The following FAM227B variants were observed in gnomAD, a reference collection of about 807,000 sequenced individuals.
The protein encoded by FAM227B is family with sequence similarity 227 member B, also known as protein FAM227B.
Under a neutral mutation model 73.8 loss-of-function variants are expected in FAM227B, and 88 were observed. The observed-to-expected ratio is 1.19, with a 90% CI of 1.00 to 1.42. The LOEUF (loss-of-function observed/expected upper bound fraction) is 1.42, where lower values mean the gene tolerates loss of function less well. Ranked by LOEUF, FAM227B falls within the 40% of genes most tolerant of loss-of-function variation. FAM227B has a pLI of 0.00. For missense variants in FAM227B, 632 were observed against 590.9 expected (o/e 1.07, Z -0.72); for synonymous variants, 210 against 190.5 (o/e 1.10, Z -0.84).
chr15:49,583,994 C>T (rs1354834955), intron 5 of FAM227B, among the ~76,000 whole-genome samples: 1 of 152,160 alleles, frequency 6.6e-6, no homozygotes, highest in Non-Finnish European at 1.5e-5. Flanking sequence ...AAGAAGGACT[C>T]CTCCCTAACT....
chr15:49,371,465 T>A (rs1414809992), intron 11 of FAM227B, 66 bp from the exon 12 acceptor site: 1 of 952,800 alleles, frequency 1.0e-6, no homozygotes, highest in Non-Finnish European at 1.6e-6. Context: ...AAAAGCATGA[T>A]ACCTCTTTCG....
At chr15:49,540,248 A>T in intron 10 of FAM227B, among the ~76,000 whole-genome samples, 1 of 152,154 alleles carries the variant, frequency 6.6e-6, no homozygotes, top group East Asian at 1.9e-4. Context: ...TCCTTAGTAG[A>T]AAAGGTTGCT....
intron 11 of FAM227B, among the ~76,000 whole-genome samples, chr15:49,431,026 A>AT (rs977284483): frequency 2.2e-4 from 33 of 151,928 alleles, no homozygotes; most frequent in African/African-American, 7.7e-4. Context: ...GTATCACACA[A>AT]TTTTTGGTAG....
chr15:49,520,206 A>G (rs1405133911), intron 10 of FAM227B, among the ~76,000 whole-genome samples: 3 of 152,316 alleles, frequency 2.0e-5, no homozygotes, highest in Non-Finnish European at 2.9e-5. Flanking sequence ...CCTGGACTTT[A>G]TTGTCCATAT....
At chr15:49,420,684 T>C (rs2151729796) in intron 11 of FAM227B, among the ~76,000 whole-genome samples, 1 of 152,304 alleles carries the variant, frequency 6.6e-6, no homozygotes, top group South Asian at 2.1e-4. Flanking sequence ...GATTATATTA[T>C]ACATGATTAT....
chr15:49,541,648 C>T (rs2071084343), intron 10 of FAM227B, 32 bp downstream of exon 10: 1 of 1,365,028 alleles, frequency 7.3e-7, no homozygotes, highest in Non-Finnish European at 9.5e-7. Context: ...GAAACCAAAA[C>T]AATGATTAAT....
rs181625769 is a variant in FAM227B, at chr15:49,401,925, G to A, written c.1013-30526C>T. Among the ~76,000 whole-genome samples the A allele has an allele frequency of 8.0e-3, 1,180 of 147,196 alleles. 19 individuals are homozygous for A. The highest frequency in any genetic ancestry group is 0.027 in the African/African-American group (1,085 of 39,736). On this transcript the variant is annotated intron_variant, in intron 11 of 15. Transcript: ENST00000299338. ...TAGATGACGAGTTAGTGGGTGCAGC[G>A]CACCAGCATGGCACATGTATACATA... is the stretch of plus-strand genomic sequence containing the variant.
intron 11 of FAM227B, among the ~76,000 whole-genome samples, chr15:49,457,065 C>T (rs146704063): frequency 5.3e-5 from 8 of 152,166 alleles, no homozygotes; most frequent in Non-Finnish European, 1.2e-4. Context: ...TTTACTACTA[C>T]ACCACCATGC....
chr15:49,605,760 G>A (rs1247548317), intron 3 of FAM227B, among the ~76,000 whole-genome samples: 1 of 152,028 alleles, frequency 6.6e-6, no homozygotes, highest in East Asian at 1.9e-4. Context: ...CCTGGTGCTG[G>A]AGTGGGCCTG....
At chr15:49,619,214 A>G (rs1290236873) in intron 1 of FAM227B, among the ~76,000 whole-genome samples, 2 of 152,196 alleles carry the variant, frequency 1.3e-5, no homozygotes, top group Non-Finnish European at 2.9e-5. Context: ...GTTTTCTGTT[A>G]CAGAAGTAAA....
rs373173503 is a variant in FAM227B, at chr15:49,485,696, A to T, written c.1012+22515T>A. ...CACAGAACAATACAAATATGTAAAA[A>T]ATCTTTCACCACATATTCTTGCCAA... On this transcript the variant is annotated intron_variant, in intron 11 of 15. Coordinates refer to ENST00000299338, the MANE Select transcript of FAM227B (RefSeq NM_152647.3). 8 of 152,644 alleles carry T rather than the reference A, an allele frequency of 5.2e-5. No homozygotes were observed. In the East Asian group the frequency reaches 1.2e-3, roughly 22 times the overall value. The allele number at this position is 152,644 out of a possible 1,614,324, so 9.5% of individuals were successfully genotyped here. A position where few individuals can be genotyped will look rare whatever the true frequency, so the allele number is the denominator to read the frequency against.
chr15:49,530,953 G>T (rs1468047117), intron 10 of FAM227B, among the ~76,000 whole-genome samples: 1 of 151,598 alleles, frequency 6.6e-6, no homozygotes, highest in African/African-American at 2.4e-5. Flanking sequence ...TTCCAACAGA[G>T]AATATTCTTT....
chr15:49,547,606 C>CA (rs2072126248), intron 9 of FAM227B, among the ~76,000 whole-genome samples: 1 of 151,818 alleles, frequency 6.6e-6, no homozygotes, highest in Admixed American at 6.5e-5. Context: ...AAATGGAAAA[C>CA]AAAAAAAGGC....
chr15:49,540,123 C>A (rs917552714), intron 10 of FAM227B, among the ~76,000 whole-genome samples: 2 of 152,156 alleles, frequency 1.3e-5, no homozygotes, highest in Admixed American at 1.3e-4. Context: ...GGTTAACCAT[C>A]TCAGTGGAAG....
At chr15:49,591,484 CTTTTTTTT>C (rs71120696) in intron 3 of FAM227B, among the ~76,000 whole-genome samples, 39 of 55,412 alleles carry the variant, frequency 7.0e-4, no homozygotes, top group African/African-American at 2.5e-3. Flanking sequence ...CCCTTCCTTC[CTTTTTTTT>C]TTTTTTTTTT....
chr15:49,362,649 GT>G (rs1356517962), intron 13 of FAM227B, among the ~76,000 whole-genome samples: 1 of 152,064 alleles, frequency 6.6e-6, no homozygotes, highest in Non-Finnish European at 1.5e-5. Flanking sequence ...GTCAATTTTT[GT>G]TTTTCTTGCA....
intron 11 of FAM227B, among the ~76,000 whole-genome samples, chr15:49,458,872 T>C (rs1325712143): frequency 6.6e-6 from 1 of 152,182 alleles, no homozygotes; most frequent in Admixed American, 6.6e-5. Context: ...CTATTTTTTC[T>C]AGACTGACCA....
chr15:49,473,182 G>A (rs150555428), intron 11 of FAM227B, among the ~76,000 whole-genome samples: 1,613 of 152,180 alleles, frequency 0.011, 27 homozygotes, highest in African/African-American at 0.037. Flanking sequence ...AAATATGAAT[G>A]CCAGGAATTT....
At chr15:49,392,401 T>G (rs2047272611) in intron 11 of FAM227B, among the ~76,000 whole-genome samples, 1 of 152,292 alleles carries the variant, frequency 6.6e-6, no homozygotes, top group East Asian at 1.9e-4. Flanking sequence ...AAAAGATGTC[T>G]GTGCGATGAG....
Sources: gnomAD v4.1 joint callset for allele counts (sites outside exome capture counted in the v4.1 genomes callset) on GRCh38, gnomAD v4.1.1 for gene constraint, MANE v1.5 for transcripts, NCBI Gene and HGNC (gene_info 2026-07-23, HGNC 2026-07-21) for gene names.